The following NSMCE1 variants were observed in gnomAD, a reference collection of about 807,000 sequenced individuals.
The protein encoded by NSMCE1 is non-structural maintenance of chromosomes element 1 homolog.
Under a neutral mutation model 29.6 loss-of-function variants are expected in NSMCE1, and 18 were observed. The ratio of observed to expected loss-of-function variants is 0.61; its 90% CI spans 0.42 to 0.90. The LOEUF (loss-of-function observed/expected upper bound fraction) is 0.90, where lower values mean the gene tolerates loss of function less well. NSMCE1 is among the 40% of genes least tolerant of loss of function. The pLI, the probability that NSMCE1 is intolerant of heterozygous loss-of-function variation, is 0.00. For missense variants in NSMCE1, 314 were observed against 343.6 expected, an observed-to-expected ratio of 0.91 and a Z score of 0.68; for synonymous variants, 124 against 133.4, an observed-to-expected ratio of 0.93 and a Z score of 0.49.
chr16:27,235,153 C>T, intron 3 of NSMCE1, 25 bp downstream of exon 3: 1 of 1,610,374 alleles, frequency 6.2e-7, no homozygotes, highest in South Asian at 1.1e-5. Context: ...AAAAATGCCA[C>T]TAGAGGGCTC....
intron 3 of NSMCE1, 110 bp from the exon 4 acceptor site, chr16:27,234,375 C>A: frequency 1.3e-6 from 1 of 779,784 alleles, no homozygotes. Context: ...CACTGAGCTC[C>A]TGTATCCAGG....
intron 2 of NSMCE1, among the ~76,000 whole-genome samples, chr16:27,254,046 C>T (rs1462169694): frequency 6.6e-6 from 1 of 152,206 alleles, no homozygotes; most frequent in Non-Finnish European, 1.5e-5. Flanking sequence ...CTTGCAATTT[C>T]AATCACTCCT....
intron 2 of NSMCE1, among the ~76,000 whole-genome samples, chr16:27,240,790 A>C (rs2083885624): frequency 6.6e-6 from 1 of 152,232 alleles, no homozygotes; most frequent in African/African-American, 2.4e-5. Flanking sequence ...TTAAATTTTA[A>C]GGCCAGGTGT....
intron 2 of NSMCE1, among the ~76,000 whole-genome samples, chr16:27,238,605 G>A (rs2083854440): frequency 6.6e-6 from 1 of 151,668 alleles, no homozygotes; most frequent in Non-Finnish European, 1.5e-5. Flanking sequence ...AATAATTCCA[G>A]GTATGATATT....
At chr16:27,262,106 G>C (rs546336982) in intron 1 of NSMCE1, among the ~76,000 whole-genome samples, 106 of 152,060 alleles carry the variant, frequency 7.0e-4, no homozygotes, top group African/African-American at 2.5e-3. Flanking sequence ...TGGTTGGGCG[G>C]GGTGGCACGC....
chr16:27,265,295 A>G (rs1347482575), intron 1 of NSMCE1, among the ~76,000 whole-genome samples: 1 of 149,078 alleles, frequency 6.7e-6, no homozygotes, highest in Non-Finnish European at 1.5e-5. Context: ...AGAACCCCCT[A>G]GCAGCTATGA....
intron 2 of NSMCE1, among the ~76,000 whole-genome samples, 189 bp from the exon 3 acceptor site, chr16:27,235,488 A>G (rs1220273108): frequency 6.6e-6 from 1 of 152,164 alleles, no homozygotes; most frequent in Non-Finnish European, 1.5e-5. Context: ...TTGGAAGACA[A>G]ACAGACAACA....
chr16:27,236,207 T>C (rs376793328), intron 2 of NSMCE1, among the ~76,000 whole-genome samples: 1 of 151,898 alleles, frequency 6.6e-6, no homozygotes, highest in Admixed American at 6.6e-5. Context: ...CAGCAGGGCC[T>C]TTCTCCTGTG....
rs2083780401 is a variant in NSMCE1 at position 27,233,133 on chromosome 16, A to C, written c.351T>G (p.Ile117Met). Residue 117 changes from isoleucine (I) to methionine (M), a missense_variant, in exon 5 of 8, where the codon ATT (isoleucine) becomes ATG (methionine). Ile to Met is a conservative substitution (Grantham distance 10). Transcript: ENST00000361439. ...DLFRKALELI[I>M]DSETGFASST... ...AAGACGCAAAGCCGGTTTCTGAGTC[A>C]ATAATCAGTTCCAGCTGGAAGAAAG... 1.2e-6 allele frequency: 2 copies of C among 1,613,600 alleles called. No homozygotes were observed. The highest frequency in any genetic ancestry group is 1.7e-6 in the Non-Finnish European group (2 of 1,179,874).
chr16:27,225,508 C>T (rs1015373198), intron 7 of NSMCE1, among the ~76,000 whole-genome samples: 1 of 152,240 alleles, frequency 6.6e-6, no homozygotes, highest in South Asian at 2.1e-4. Context: ...TGCTCATACA[C>T]GTTGGAATTT....
chr16:27,229,767 C>T (rs919902945), intron 5 of NSMCE1, among the ~76,000 whole-genome samples: 1 of 152,150 alleles, frequency 6.6e-6, no homozygotes, highest in Non-Finnish European at 1.5e-5. Flanking sequence ...TTAGTAGAGA[C>T]AGGGTTTCAC....
chr16:27,267,983 T>A (rs1018928521), intron 1 of NSMCE1, among the ~76,000 whole-genome samples: 2 of 152,098 alleles, frequency 1.3e-5, no homozygotes, highest in African/African-American at 4.8e-5. Context: ...CCTCAGGTGA[T>A]CCGCCCCCCT....
chr16:27,264,457 A>T (rs1359163922), intron 1 of NSMCE1, among the ~76,000 whole-genome samples: 3 of 152,218 alleles, frequency 2.0e-5, no homozygotes, highest in African/African-American at 7.2e-5. Context: ...TAGACAAATA[A>T]GACCAATCAA....
At position 27,234,200 on chromosome 16, in the gene NSMCE1, C is replaced by T. The variant is rs1053748677; in HGVS notation, c.324G>A (p.Leu108=). The T allele has an allele frequency of 6.2e-7, 1 of 1,611,742 alleles. No homozygotes were observed. Among genetic ancestry groups the T allele is most frequent in the Admixed American group, 1.7e-5 (1 of 60,026 alleles). The change falls in exon 4 of 8, where the codon TTG becomes TTA. Residue 108 remains leucine, a synonymous_variant. Transcript: ENST00000361439. ...ATDFAENELD[L]FRKALELIID... Reference sequence around the variant, plus strand: ...TTACTCTACTTACAGCCTTTCTAAACAAATCCAGTTCATTCTCTGCAAAAT... The same window carrying T: ...TTACTCTACTTACAGCCTTTCTAAATAAATCCAGTTCATTCTCTGCAAAAT...
chr16:27,251,159 A>AATATATATATATAT lies in NSMCE1; in HGVS notation c.136+6262_136+6275dup, dbSNP rs1166070119. On this transcript the variant is annotated intron_variant, in intron 2 of 7. Coordinates refer to ENST00000361439, the MANE Select transcript of NSMCE1 (RefSeq NM_145080.4). ...CCCAGCCTTAATTTTAATTATTTAAAATATATATATATATATATATATATA... is the reference window on the plus strand; with the variant it reads ...CCCAGCCTTAATTTTAATTATTTAAAATATATATATATATATATATATATATATATATATATATA... Among the ~76,000 whole-genome samples the AATATATATATATAT allele has an allele frequency of 2.2e-3, 147 of 65,678 alleles. 1 individual carries two copies. Among genetic ancestry groups the AATATATATATATAT allele is most frequent in the African/African-American group, 4.1e-3 (48 of 11,692 alleles). 43.1% of individuals were successfully genotyped at this position (65,678 alleles called of 152,430 possible). A position where few individuals can be genotyped will look rare whatever the true frequency, so the allele number is the denominator to read the frequency against.
chr16:27,234,012 G>C (rs1190915235), intron 4 of NSMCE1, 176 bp downstream of exon 4: 2 of 574,158 alleles, frequency 3.5e-6, no homozygotes, highest in Non-Finnish European at 6.2e-6. Flanking sequence ...CCTGGCAGCT[G>C]TGAGTTCCAG....
intron 2 of NSMCE1, among the ~76,000 whole-genome samples, chr16:27,237,761 G>T (rs1417328001): frequency 2.0e-5 from 3 of 152,190 alleles, no homozygotes; most frequent in Non-Finnish European, 4.4e-5. Flanking sequence ...CCCCGTTGCA[G>T]GGAGGGAGCC....
rs560265093 is a variant in NSMCE1, at chr16:27,264,543, C to A, written c.-12+4163G>T. On this transcript the variant is annotated intron_variant, in intron 1 of 7. Coordinates refer to ENST00000361439, the MANE Select transcript of NSMCE1 (RefSeq NM_145080.4). ...TTGATGGCGGATGAAAGCAAACTTT[C>A]CAATAAAAGGTGCCAGGAAAACTTG... Among the ~76,000 whole-genome samples the A allele has an allele frequency of 3.3e-5, 5 of 152,140 alleles. No homozygotes were observed. In the South Asian group the frequency reaches 1.0e-3, roughly 32 times the overall value.
chr16:27,263,647 G>A (rs767118869), intron 1 of NSMCE1, among the ~76,000 whole-genome samples: 1 of 152,078 alleles, frequency 6.6e-6, no homozygotes, highest in African/African-American at 2.4e-5. Context: ...CCCCTATGAC[G>A]TGAGTTTACC....
Sources: gnomAD v4.1 joint callset for allele counts (sites outside exome capture counted in the v4.1 genomes callset) on GRCh38, gnomAD v4.1.1 for gene constraint, MANE v1.5 for transcripts, NCBI Gene and HGNC (gene_info 2026-07-23, HGNC 2026-07-21) for gene names.